CCDC170: variants seen among roughly 807,000 people sequenced by gnomAD.
The protein encoded by CCDC170 is coiled-coil domain-containing protein 170.
In CCDC170, 69 loss-of-function variants were observed where a neutral mutation model predicts 72.6. The observed-to-expected ratio is 0.95, with a 90% CI of 0.78 to 1.16. The LOEUF is 1.16. CCDC170 is among the 50% of genes most tolerant of loss of function. The probability of loss-of-function intolerance (pLI) is 0.00; values close to 1 mark genes in which losing one functional copy is unlikely to be tolerated. For synonymous variants in CCDC170, 300 were observed against 303.9 expected (o/e 0.99, Z 0.13); for missense variants, 852 against 832.5 (o/e 1.02, Z -0.29).
At chr6:151,561,855 A>C (rs2115074203) in intron 5 of CCDC170, among the ~76,000 whole-genome samples, 1 of 152,240 alleles carries the variant, frequency 6.6e-6, no homozygotes, top group African/African-American at 2.4e-5. Flanking sequence ...AATGCCAATA[A>C]GTTGAAGATT....
chr6:151,546,777 C>G (rs1782777885), intron 4 of CCDC170, among the ~76,000 whole-genome samples: 1 of 152,180 alleles, frequency 6.6e-6, no homozygotes, highest in Admixed American at 6.6e-5. Context: ...TCTTCTGCCT[C>G]CTGACTGGCC....
chr6:151,608,971 T>A (rs553410717), intron 9 of CCDC170, among the ~76,000 whole-genome samples: 26 of 152,200 alleles, frequency 1.7e-4, no homozygotes, highest in Non-Finnish European at 3.5e-4. Context: ...CTGTTAGGGA[T>A]CTCCCACTTA....
chr6:151,533,185 C>T (rs1327874059), intron 1 of CCDC170, among the ~76,000 whole-genome samples: 2 of 151,500 alleles, frequency 1.3e-5, no homozygotes, highest in Non-Finnish European at 2.9e-5. Context: ...TCCCGAGTAG[C>T]TGGGACTACA....
At chr6:151,600,366 T>G (rs1776687564) in intron 9 of CCDC170, among the ~76,000 whole-genome samples, 2 of 152,176 alleles carry the variant, frequency 1.3e-5, no homozygotes, top group Non-Finnish European at 2.9e-5. Context: ...TACCACAAAC[T>G]GGGTGGCTTA....
intron 5 of CCDC170, among the ~76,000 whole-genome samples, chr6:151,555,656 G>A (rs779603521): frequency 6.6e-6 from 1 of 152,172 alleles, no homozygotes; most frequent in Non-Finnish European, 1.5e-5. Context: ...TGACAGTTCC[G>A]TATTGTAGCA....
chr6:151,505,404 C>T (rs921825118), intron 1 of CCDC170, among the ~76,000 whole-genome samples: 3 of 152,152 alleles, frequency 2.0e-5, no homozygotes, highest in African/African-American at 4.8e-5. Context: ...AGGATTCTTA[C>T]TGGGCGTGGT....
In CCDC170 at chr6:151,603,832, G is replaced by A. The variant is rs1475522084; in HGVS notation, c.1710+7255G>A. ...GGGACAGTGGAAGGACACCCTGTGT[G>A]CTGCTTTCCAGGAATGATACAACAC... On this transcript the variant is annotated intron_variant, in intron 9 of 10. Transcript: ENST00000239374. Among the ~76,000 whole-genome samples, 4 of 152,338 alleles carry A rather than the reference G, an allele frequency of 2.6e-5. No individual in the cohort carries two copies. The South Asian group carries it at 8.3e-4, about 32-fold the overall frequency.
At chr6:151,541,886 A>AT (rs547158203) in intron 3 of CCDC170, among the ~76,000 whole-genome samples, 16 of 137,156 alleles carry the variant, frequency 1.2e-4, no homozygotes, top group Middle Eastern at 4.0e-3. Context: ...ATATATATAT[A>AT]TTTTTTTTTT....
intron 1 of CCDC170, among the ~76,000 whole-genome samples, chr6:151,505,481 A>G (rs1033970118): frequency 1.3e-5 from 2 of 151,788 alleles, no homozygotes; most frequent in Non-Finnish European, 2.9e-5. Context: ...CAGGAGATCG[A>G]GACCATCCTG....
At chr6:151,567,121 G>A (rs1583029658) in intron 5 of CCDC170, among the ~76,000 whole-genome samples, 2 of 152,194 alleles carry the variant, frequency 1.3e-5, no homozygotes, top group African/African-American at 4.8e-5. Flanking sequence ...GTTTCTCCAT[G>A]TTGGTCAGGC....
At chr6:151,565,969 C>G (rs374426935) in intron 5 of CCDC170, among the ~76,000 whole-genome samples, 1 of 152,138 alleles carries the variant, frequency 6.6e-6, no homozygotes, top group Non-Finnish European at 1.5e-5. Context: ...TGGGAACTGT[C>G]GGTGGTTGTC....
At chr6:151,556,874 T>A (rs138549833) in intron 5 of CCDC170, among the ~76,000 whole-genome samples, 1 of 152,244 alleles carries the variant, frequency 6.6e-6, no homozygotes, top group East Asian at 1.9e-4. Flanking sequence ...TCTCTCTTCA[T>A]CCCTCCTCCC....
At chr6:151,524,843 TG>T (rs1454500676) in intron 1 of CCDC170, among the ~76,000 whole-genome samples, 1 of 152,198 alleles carries the variant, frequency 6.6e-6, no homozygotes, top group Non-Finnish European at 1.5e-5. Context: ...CTGTTAGTTT[TG>T]TTCTCTAATT....
At chr6:151,544,802 G>A (rs1782747140) in intron 4 of CCDC170, 86 bp downstream of exon 4, 1 of 1,410,658 alleles carries the variant, frequency 7.1e-7, no homozygotes, top group African/African-American at 1.4e-5. Context: ...TTGAGTTTGG[G>A]GGTGGCAGGA....
At chr6:151,595,754 G>A (rs1483318816) in intron 8 of CCDC170, among the ~76,000 whole-genome samples, 1 of 152,122 alleles carries the variant, frequency 6.6e-6, no homozygotes, top group Admixed American at 6.6e-5. Context: ...GAAAGGGAGA[G>A]GCTGCAGTGA....
At chr6:151,585,568 C>A (rs1311962054) in intron 6 of CCDC170, among the ~76,000 whole-genome samples, 1 of 152,032 alleles carries the variant, frequency 6.6e-6, no homozygotes, top group Non-Finnish European at 1.5e-5. Context: ...TGTCTTAATT[C>A]TTTTTCCTAC....
chr6:151,597,184 G>T (rs538954631), intron 9 of CCDC170, among the ~76,000 whole-genome samples: 1 of 152,100 alleles, frequency 6.6e-6, no homozygotes, highest in South Asian at 2.1e-4. Flanking sequence ...GAGTGCAGTG[G>T]CATGATCTTG....
chr6:151,519,081 T>C (rs889783612), intron 1 of CCDC170, among the ~76,000 whole-genome samples: 12 of 152,172 alleles, frequency 7.9e-5, no homozygotes, highest in African/African-American at 2.9e-4. Flanking sequence ...AGAGAATCGG[T>C]CTGACCTCAA....
At chr6:151,550,977 G>T (rs895722654) in intron 5 of CCDC170, among the ~76,000 whole-genome samples, 2 of 152,038 alleles carry the variant, frequency 1.3e-5, no homozygotes, top group Non-Finnish European at 2.9e-5. Flanking sequence ...CATAGTATTA[G>T]GTTGGTGCAA....
Sources: allele counts gnomAD v4.1 joint callset (sites outside exome capture counted in the v4.1 genomes callset), GRCh38; gene constraint gnomAD v4.1.1; transcripts MANE v1.5; gene names NCBI Gene and HGNC (gene_info 2026-07-23, HGNC 2026-07-21).